Variants in LRP5 observed in about 807,000 individuals in gnomAD.
LRP5 encodes the protein LDL receptor related protein 5, also known as low-density lipoprotein receptor-related protein 5.
Under a neutral mutation model 154.1 loss-of-function variants are expected in LRP5, and 62 were observed. The ratio of observed to expected loss-of-function variants is 0.40; its 90% CI spans 0.33 to 0.50. The LOEUF is 0.50. Among genes scored for constraint, LRP5 ranks in the 20% least tolerant of loss-of-function variants. The pLI is 0.55. For missense variants in LRP5, 1,915 were observed against 2,336.7 expected (o/e 0.82, Z 3.72); for synonymous variants, 966 against 1,011.5 (o/e 0.96, Z 0.85).
At chr11:68,375,237 G>A (rs1394499799) in intron 5 of LRP5, among the ~76,000 whole-genome samples, 1 of 152,098 alleles carries the variant, frequency 6.6e-6, no homozygotes, top group Admixed American at 6.5e-5. Context: ...CCAGTTCCGT[G>A]TGCCCTGGGG....
rs1021002039 is a variant in LRP5 at position 68,317,600 on chromosome 11, G to T, written c.91+4795G>T. Among the ~76,000 whole-genome samples the T allele has an allele frequency of 3.2e-4, 48 of 152,260 alleles. 1 individual carries two copies. The highest frequency in any genetic ancestry group is 1.1e-3 in the African/African-American group (46 of 41,472). ...TCCCTGTGTCCCTAAGCCATGCAGA[G>T]GCATGCGCATACGCGCTGCTCTTAG... On this transcript the variant is annotated intron_variant, in intron 1 of 22. Coordinates refer to ENST00000294304, the MANE Select transcript of LRP5 (RefSeq NM_002335.4).
chr11:68,340,463 C>T (rs570524089), intron 1 of LRP5, among the ~76,000 whole-genome samples: 22 of 152,198 alleles, frequency 1.4e-4, no homozygotes, highest in African/African-American at 5.1e-4. Flanking sequence ...AAAACCACTA[C>T]CCCCTCCCGG....
At chr11:68,315,926 C>T (rs1171924467) in intron 1 of LRP5, among the ~76,000 whole-genome samples, 3 of 151,654 alleles carry the variant, frequency 2.0e-5, no homozygotes, top group Admixed American at 6.6e-5. Flanking sequence ...TGAAAGGTGT[C>T]GAGTTGTTTT....
intron 9 of LRP5, among the ~76,000 whole-genome samples, chr11:68,407,169 CTT>C (rs35107577): frequency 2.8e-4 from 38 of 136,934 alleles, no homozygotes; most frequent in Admixed American, 5.2e-4. Context: ...TACAGGAAGA[CTT>C]TTTTTTTTTT....
intron 1 of LRP5, among the ~76,000 whole-genome samples, chr11:68,327,268 A>G (rs1474732371): frequency 4.6e-5 from 7 of 151,968 alleles, no homozygotes; most frequent in African/African-American, 9.7e-5. Context: ...ATTTCCTCAC[A>G]GTCTCGGGGA....
chr11:68,375,936 A>G (rs2098637088), intron 5 of LRP5, among the ~76,000 whole-genome samples: 1 of 152,180 alleles, frequency 6.6e-6, no homozygotes, highest in Non-Finnish European at 1.5e-5. Flanking sequence ...AGTGCCCTGC[A>G]CTTGTGATAG....
intron 2 of LRP5, among the ~76,000 whole-genome samples, chr11:68,349,356 C>T (rs1436487940): frequency 2.0e-5 from 3 of 152,122 alleles, no homozygotes; most frequent in Non-Finnish European, 4.4e-5. Context: ...CTTTTTAAAA[C>T]TTGCATGTCT....
intron 3 of LRP5, among the ~76,000 whole-genome samples, chr11:68,358,178 T>C (rs1352317409): frequency 1.3e-5 from 2 of 151,964 alleles, no homozygotes; most frequent in African/African-American, 4.8e-5. Context: ...TGCAATGTCA[T>C]AATCTCAGCT....
At chr11:68,389,845 G>C (rs766260725) in intron 6 of LRP5, 36 bp from the exon 7 acceptor site, 4 of 1,613,092 alleles carry the variant, frequency 2.5e-6, no homozygotes, top group Non-Finnish European at 2.5e-6. Flanking sequence ...AGACCAGACA[G>C]ACTCATGGGG....
intron 9 of LRP5, 111 bp from the exon 10 acceptor site, chr11:68,409,803 T>C: frequency 1.2e-6 from 1 of 838,642 alleles, no homozygotes; most frequent in East Asian, 2.6e-5. Context: ...TGAGCCGAGA[T>C]CGCACCATTG....
chr11:68,331,104 A>G (rs1313311008), intron 1 of LRP5, among the ~76,000 whole-genome samples: 1 of 152,246 alleles, frequency 6.6e-6, no homozygotes, highest in African/African-American at 2.4e-5. Context: ...AGGACTTCTC[A>G]GAGCCTTTAA....
intron 5 of LRP5, among the ~76,000 whole-genome samples, chr11:68,377,401 T>C (rs2153147284): frequency 6.6e-6 from 1 of 152,186 alleles, no homozygotes; most frequent in South Asian, 2.1e-4. Context: ...TCTCTGTGCT[T>C]GCTGGAAGGT....
chr11:68,332,971 C>A (rs1424649441), intron 1 of LRP5, among the ~76,000 whole-genome samples: 3 of 152,082 alleles, frequency 2.0e-5, no homozygotes, highest in Non-Finnish European at 4.4e-5. Context: ...TAAAGGAAAC[C>A]CAAGATTTTA....
intron 1 of LRP5, among the ~76,000 whole-genome samples, chr11:68,315,320 G>T (rs2098592427): frequency 6.6e-6 from 1 of 152,222 alleles, no homozygotes; most frequent in African/African-American, 2.4e-5. Context: ...TCTAGAGGCT[G>T]TTATTACAAT....
chr11:68,437,045 C>T, intron 19 of LRP5, 46 bp downstream of exon 19: 1 of 1,540,304 alleles, frequency 6.5e-7, no homozygotes, highest in South Asian at 1.1e-5. Context: ...GGCTGGGTTC[C>T]CCCAGGAACG....
chr11:68,401,417 G>A (rs913686179), intron 7 of LRP5, among the ~76,000 whole-genome samples: 1 of 152,220 alleles, frequency 6.6e-6, no homozygotes, highest in Non-Finnish European at 1.5e-5. Flanking sequence ...AGAACCGCCT[G>A]TTGGGAGCTG....
At chr11:68,357,188 G>A (rs531516840) in intron 2 of LRP5, among the ~76,000 whole-genome samples, 19 of 152,224 alleles carry the variant, frequency 1.2e-4, no homozygotes, top group African/African-American at 4.6e-4. Context: ...ACCCGCCTTG[G>A]CCTCCCAAAG....
intron 2 of LRP5, among the ~76,000 whole-genome samples, chr11:68,356,939 C>CT (rs1206842769): frequency 0.025 from 3,596 of 141,954 alleles, 125 homozygotes; most frequent in African/African-American, 0.08. Context: ...CTTTTCTTTT[C>CT]TTTTTTTTTT....
chr11:68,403,794 G>A (rs2098654037), intron 8 of LRP5, 95 bp downstream of exon 8: 1 of 1,477,650 alleles, frequency 6.8e-7, no homozygotes. Flanking sequence ...GTTGAGCTCA[G>A]GTGCCCCGAC....
Sources: gnomAD v4.1 joint callset for allele counts (sites outside exome capture counted in the v4.1 genomes callset) on GRCh38, gnomAD v4.1.1 for gene constraint, MANE v1.5 for transcripts, NCBI Gene and HGNC (gene_info 2026-07-23, HGNC 2026-07-21) for gene names.